The following PARD3B variants were observed in gnomAD, a reference collection of about 807,000 sequenced individuals.
PARD3B encodes par-3 family cell polarity regulator beta.
In PARD3B, 103 loss-of-function variants were observed where a neutral mutation model predicts 130.2. The ratio of observed to expected loss-of-function variants is 0.79; its 90% CI spans 0.67 to 0.93. The LOEUF (loss-of-function observed/expected upper bound fraction) is 0.93, where lower values mean the gene tolerates loss of function less well. PARD3B is among the 40% of genes least tolerant of loss of function. The pLI, the probability that PARD3B is intolerant of heterozygous loss-of-function variation, is 0.00. For missense variants in PARD3B, 1,609 were observed against 1,499.2 expected (o/e 1.07, Z -1.21); for synonymous variants, 583 against 553.2 (o/e 1.05, Z -0.76).
At chr2:205,259,525 T>C (rs11891025) in intron 16 of PARD3B, among the ~76,000 whole-genome samples, 29,840 of 152,078 alleles carry the variant, frequency 0.2, 3,131 homozygotes, top group East Asian at 0.28. Flanking sequence ...TTCACTACAG[T>C]CTAGGTTTTG....
chr2:205,361,946 G>T (rs1484763385), intron 18 of PARD3B, among the ~76,000 whole-genome samples: 4 of 151,848 alleles, frequency 2.6e-5, no homozygotes, highest in African/African-American at 9.7e-5. Flanking sequence ...TATTTTTTTG[G>T]CTCCTTCAGT....
intron 20 of PARD3B, among the ~76,000 whole-genome samples, chr2:205,498,661 A>G (rs887418511): frequency 3.9e-5 from 6 of 152,194 alleles, no homozygotes; most frequent in Non-Finnish European, 7.3e-5. Flanking sequence ...ATCGACTTGC[A>G]TGTCTCTAAA....
intron 3 of PARD3B, among the ~76,000 whole-genome samples, chr2:205,027,167 T>G (rs1292860519): frequency 6.6e-6 from 1 of 152,162 alleles, no homozygotes; most frequent in African/African-American, 2.4e-5. Context: ...TGCACCAATT[T>G]CCATTCCCAT....
intron 2 of PARD3B, among the ~76,000 whole-genome samples, chr2:204,958,027 A>C (rs555342926): frequency 6.6e-6 from 1 of 152,320 alleles, no homozygotes; most frequent in Non-Finnish European, 1.5e-5. Flanking sequence ...TCAATGTGGC[A>C]AATAAGCCTT....
intron 15 of PARD3B, among the ~76,000 whole-genome samples, chr2:205,200,351 A>G (rs946782551): frequency 3.3e-5 from 5 of 152,332 alleles, no homozygotes; most frequent in Middle Eastern, 3.4e-3. Context: ...ATATTTGTAT[A>G]CTTCCCTGTC....
intron 18 of PARD3B, among the ~76,000 whole-genome samples, chr2:205,355,061 A>C (rs1373004009): frequency 6.6e-6 from 1 of 152,208 alleles, no homozygotes; most frequent in African/African-American, 2.4e-5. Context: ...CCCATTGGCC[A>C]AGAGCGTCTC....
intron 1 of PARD3B, among the ~76,000 whole-genome samples, chr2:204,642,920 T>A (rs1195382760): frequency 6.6e-6 from 1 of 151,350 alleles, no homozygotes; most frequent in Non-Finnish European, 1.5e-5. Context: ...AAGACCACCC[T>A]GGCTAACACA....
intron 10 of PARD3B, among the ~76,000 whole-genome samples, chr2:205,153,064 G>T (rs1016249539): frequency 1.3e-5 from 2 of 152,204 alleles, no homozygotes; most frequent in African/African-American, 4.8e-5. Context: ...TCCAGACCCT[G>T]TTTGCCTGGG....
rs1246303654 is a variant in PARD3B at position 205,265,282 on chromosome 2, A to G, written c.2185+19460A>G. ...AAAATGTCTATACACACGAGCCTTC[A>G]GGGAAGATTGGGGTGATACATGGAA... On this transcript the variant is annotated intron_variant, in intron 16 of 22. Transcript: ENST00000406610. The surrounding 1 kb of genome is among the most constrained non-coding windows in gnomAD (Gnocchi z 4.3). 6.6e-6 allele frequency among the ~76,000 whole-genome samples: 1 copy of G among 152,060 alleles called. No individual in the cohort carries two copies. The highest frequency in any genetic ancestry group is 2.4e-5 in the African/African-American group (1 of 41,448).
intron 1 of PARD3B, among the ~76,000 whole-genome samples, chr2:204,604,712 T>G (rs2033645551): frequency 6.6e-6 from 1 of 152,180 alleles, no homozygotes; most frequent in Admixed American, 6.5e-5. Flanking sequence ...GATTTTGATA[T>G]AGTAGATTGA....
chr2:205,374,610 C>A (rs1275036217), intron 18 of PARD3B, among the ~76,000 whole-genome samples: 1 of 152,020 alleles, frequency 6.6e-6, no homozygotes, highest in Admixed American at 6.6e-5. Context: ...AATCTTGTTT[C>A]CTGGTTTTAT....
chr2:205,533,693 A>G (rs1251284922), intron 21 of PARD3B, among the ~76,000 whole-genome samples: 1 of 152,178 alleles, frequency 6.6e-6, no homozygotes, highest in Non-Finnish European at 1.5e-5. Context: ...ACAAAAAGAC[A>G]TAGATTTTAA....
chr2:205,553,812 GA>G (rs1331610118), intron 22 of PARD3B, among the ~76,000 whole-genome samples: 2 of 152,186 alleles, frequency 1.3e-5, no homozygotes, highest in African/African-American at 4.8e-5. Context: ...AAGCAGGAAA[GA>G]AATGTGAACT....
At chr2:205,203,134 TAA>T (rs1470844476) in intron 15 of PARD3B, among the ~76,000 whole-genome samples, 2 of 152,168 alleles carry the variant, frequency 1.3e-5, no homozygotes, top group African/African-American at 4.8e-5. Flanking sequence ...AAAAAAACTA[TAA>T]AGTTTAGAAA....
At position 205,473,686 on chromosome 2, in the gene PARD3B, A is replaced by ATG. The variant is rs1166823438; in HGVS notation, c.3045-26209_3045-26208insGT. 0.059 allele frequency among the ~76,000 whole-genome samples: 3,774 copies of ATG among 64,490 alleles called. 52 individuals carry two copies. The highest frequency in any genetic ancestry group is 0.17 in the Middle Eastern group (21 of 120). 42.3% of individuals were successfully genotyped at this position (64,490 alleles called of 152,430 possible). A position where few individuals can be genotyped will look rare whatever the true frequency, so the allele number is the denominator to read the frequency against. ...TGTGTGTGTGTGTGTGTGTGTATGT[A>ATG]TATATATATATATATATATATATAC... is the stretch of plus-strand genomic sequence containing the variant. On this transcript the variant is annotated intron_variant, in intron 20 of 22. Coordinates refer to ENST00000406610, the MANE Select transcript of PARD3B (RefSeq NM_001302769.2). This position sits in a 1 kb window ranked among gnomAD's most constrained non-coding sequence, Gnocchi z 4.9.
chr2:205,448,257 G>C (rs2047976532), intron 20 of PARD3B, among the ~76,000 whole-genome samples: 1 of 152,142 alleles, frequency 6.6e-6, no homozygotes, highest in Non-Finnish European at 1.5e-5. Flanking sequence ...GCAGAACTGG[G>C]TACCATATTT....
At position 204,675,537 on chromosome 2, in the gene PARD3B, C is replaced by A. The variant is rs1268843960; in HGVS notation, c.121-10644C>A. Reference sequence around the variant, plus strand: ...GTGTCTTGAGATGATGTAGACAGTACATTTGGAAATAATTAAAATTTGTTC... The same window carrying A: ...GTGTCTTGAGATGATGTAGACAGTAAATTTGGAAATAATTAAAATTTGTTC... On this transcript the variant is annotated intron_variant, in intron 1 of 22. Transcript: ENST00000406610. The surrounding 1 kb of genome is among the most constrained non-coding windows in gnomAD (Gnocchi z 4.4). Among the ~76,000 whole-genome samples the A allele has an allele frequency of 1.3e-5, 2 of 151,988 alleles. No homozygotes were observed. Among genetic ancestry groups the A allele is most frequent in the African/African-American group, 4.8e-5 (2 of 41,464 alleles).
chr2:205,216,886 G>A (rs1921778), intron 15 of PARD3B, among the ~76,000 whole-genome samples: 120,839 of 152,090 alleles, frequency 0.79, 48,599 homozygotes, highest in East Asian at 0.95. Flanking sequence ...CAGGGTCTCC[G>A]TGAAGGTACC....
intron 2 of PARD3B, among the ~76,000 whole-genome samples, chr2:204,824,381 C>G (rs559719050): frequency 6.6e-6 from 1 of 152,140 alleles, no homozygotes; most frequent in Non-Finnish European, 1.5e-5. Flanking sequence ...AGCCCTTTCT[C>G]CATCTCTCTG....
Sources: gnomAD v4.1 joint callset for allele counts (sites outside exome capture counted in the v4.1 genomes callset) on GRCh38, gnomAD v4.1.1 for gene constraint, Gnocchi (gnomAD v3.1) non-coding constraint, MANE v1.5 for transcripts, NCBI Gene and HGNC (gene_info 2026-07-23, HGNC 2026-07-21) for gene names.